KIAA0825: variants seen among roughly 807,000 people sequenced by gnomAD.
The protein encoded by KIAA0825 is uncharacterized protein KIAA0825.
Under a neutral mutation model 147.6 loss-of-function variants are expected in KIAA0825, and 119 were observed. That is an observed-to-expected ratio of 0.81 (90% CI 0.69 to 0.94). KIAA0825 has a LOEUF of 0.94. KIAA0825 is among the 40% of genes least tolerant of loss of function. The pLI, the probability that KIAA0825 is intolerant of heterozygous loss-of-function variation, is 0.00. For synonymous variants in KIAA0825, 470 were observed against 518.1 expected, an observed-to-expected ratio of 0.91 and a Z score of 1.26; for missense variants, 1,381 against 1,472.7, an observed-to-expected ratio of 0.94 and a Z score of 1.02.
chr5:94,396,275 T>C lies in KIAA0825; in HGVS notation c.3122A>G (p.Asp1041Gly). ...ACCCAATTTTTCTTTACTCCATCTG[T>C]CAAGAGAGGCACCTGTTAAAAGTTC... ...TVELLTGASLDRWSKEKLGLI... is the reference protein window; with the variant it reads ...TVELLTGASLGRWSKEKLGLI... The change falls in exon 17 of 21, where the codon GAC becomes GGC. Residue 1041 changes from aspartate (D) to glycine (G), a missense_variant. Physicochemically the swap from Asp to Gly is moderately conservative, Grantham distance 94. Transcript: ENST00000682413. The C allele has an allele frequency of 6.4e-7, 1 of 1,551,400 alleles. No individual in the cohort carries two copies. The highest frequency in any genetic ancestry group is 8.7e-7 in the Non-Finnish European group (1 of 1,146,866).
rs1315084017 is a variant in KIAA0825 at position 94,460,049 on chromosome 5, C to G, written c.2246+2338G>C. ...TGAATTGAAACTGAATTGCATTTAC[C>G]CAAAATTCTAGTAATTAATTTTTAA... is the stretch of plus-strand genomic sequence containing the variant. On this transcript the variant is annotated intron_variant, in intron 12 of 20. Transcript: ENST00000682413. Among the ~76,000 whole-genome samples the G allele has an allele frequency of 2.6e-5, 4 of 151,942 alleles. No individual in the cohort carries two copies. The East Asian group carries it at 7.7e-4, about 29-fold the overall frequency.
chr5:94,363,799 G>T (rs62364579), intron 20 of KIAA0825, among the ~76,000 whole-genome samples: 8,849 of 151,942 alleles, frequency 0.058, 400 homozygotes, highest in South Asian at 0.14. Context: ...GCCCAGGAAT[G>T]TGAGGCTGCA....
intron 12 of KIAA0825, among the ~76,000 whole-genome samples, chr5:94,460,630 A>G (rs894710659): frequency 6.6e-6 from 1 of 152,150 alleles, no homozygotes; most frequent in South Asian, 2.1e-4. Context: ...GAGATTCACA[A>G]TTTTTTTAAT....
In KIAA0825 at chr5:94,153,076, T is replaced by C. The variant is rs1766720338; in HGVS notation, c.*931A>G. On this transcript the variant is annotated 3_prime_UTR_variant, in exon 21 of 21. Coordinates refer to ENST00000682413, the MANE Select transcript of KIAA0825 (RefSeq NM_001145678.3). ...GGAGACTTCATATTATATCATAATATCTTCAATGTCTTTATAATCTAATAT... is the reference window on the plus strand; with the variant it reads ...GGAGACTTCATATTATATCATAATACCTTCAATGTCTTTATAATCTAATAT... The C allele has an allele frequency of 6.6e-6, 1 of 150,412 alleles. No homozygotes were observed. Among genetic ancestry groups the C allele is most frequent in the Non-Finnish European group, 1.5e-5 (1 of 67,724 alleles). 9.3% of individuals were successfully genotyped at this position (150,412 alleles called of 1,614,324 possible). A position where few individuals can be genotyped will look rare whatever the true frequency, so the allele number is the denominator to read the frequency against.
chr5:94,380,513 A>C (rs925873648), intron 20 of KIAA0825, among the ~76,000 whole-genome samples: 2 of 152,246 alleles, frequency 1.3e-5, no homozygotes, highest in African/African-American at 4.8e-5. Context: ...ATTCTTATTG[A>C]GTTTACATTC....
chr5:94,228,116 A>G (rs1774367784), intron 20 of KIAA0825, among the ~76,000 whole-genome samples: 1 of 152,190 alleles, frequency 6.6e-6, no homozygotes. Context: ...TGTAAATTCT[A>G]CTGGCTATTT....
chr5:94,250,154 C>A (rs2150119426), intron 20 of KIAA0825, among the ~76,000 whole-genome samples: 1 of 152,080 alleles, frequency 6.6e-6, no homozygotes, highest in Non-Finnish European at 1.5e-5. Context: ...AGAAATGGAA[C>A]CCTCATTCGG....
At chr5:94,582,667 C>G (rs181822463) in intron 1 of KIAA0825, 84 bp from the exon 2 acceptor site, 229 of 152,124 alleles carry the variant, frequency 1.5e-3, no homozygotes, top group African/African-American at 5.3e-3. Flanking sequence ...TTGCTAGTGA[C>G]AGTACTACCA....
intron 1 of KIAA0825, among the ~76,000 whole-genome samples, chr5:94,602,474 A>C (rs1786668371): frequency 6.6e-6 from 1 of 152,194 alleles, no homozygotes; most frequent in Non-Finnish European, 1.5e-5. Flanking sequence ...CTGTGTCCCC[A>C]TCCAAATCTC....
chr5:94,474,554 G>T (rs879360464), intron 7 of KIAA0825, among the ~76,000 whole-genome samples: 3 of 151,868 alleles, frequency 2.0e-5, no homozygotes, highest in Admixed American at 6.6e-5. Context: ...CTGAAATTAT[G>T]ATCATAAGCC....
intron 2 of KIAA0825, among the ~76,000 whole-genome samples, chr5:94,539,687 G>A (rs775870377): frequency 6.6e-6 from 1 of 152,156 alleles, no homozygotes; most frequent in Non-Finnish European, 1.5e-5. Context: ...GGGAGTCAGA[G>A]TCTCTCCTAA....
Position 94,281,373 on chromosome 5 carries a change from A to G in KIAA0825, c.3710+102995T>C, listed in dbSNP as rs532429966. Among the ~76,000 whole-genome samples the G allele has an allele frequency of 8.5e-5, 13 of 152,266 alleles. No homozygotes were observed. In the East Asian group the frequency reaches 2.3e-3, roughly 27 times the overall value. On this transcript the variant is annotated intron_variant, in intron 20 of 20. Coordinates refer to ENST00000682413, the MANE Select transcript of KIAA0825 (RefSeq NM_001145678.3). ...TAATTGTCTCCCCCTTTCAACTACA[A>G]GAATTCACAGCAGGGTTTTCCAAGT... is the stretch of plus-strand genomic sequence containing the variant.
intron 20 of KIAA0825, among the ~76,000 whole-genome samples, chr5:94,308,558 A>ATTAT (rs765298892): frequency 5.3e-5 from 8 of 151,856 alleles, no homozygotes; most frequent in East Asian, 1.9e-4. Flanking sequence ...GGGACTCTAT[A>ATTAT]AGATTTTCAA....
At chr5:94,615,301 T>A (rs1463649093) in intron 1 of KIAA0825, among the ~76,000 whole-genome samples, 1 of 152,104 alleles carries the variant, frequency 6.6e-6, no homozygotes, top group Non-Finnish European at 1.5e-5. Context: ...GATAATATAA[T>A]CCATCAAACT....
chr5:94,533,619 G>A (rs764711803), intron 3 of KIAA0825, among the ~76,000 whole-genome samples: 3 of 152,170 alleles, frequency 2.0e-5, no homozygotes, highest in Non-Finnish European at 4.4e-5. Flanking sequence ...CTGTACCTCA[G>A]TATCTTGTTA....
At chr5:94,544,865 T>C (rs984740069) in intron 2 of KIAA0825, among the ~76,000 whole-genome samples, 4 of 152,106 alleles carry the variant, frequency 2.6e-5, no homozygotes, top group African/African-American at 9.6e-5. Context: ...AACAACTAAG[T>C]ACACACAAAA....
intron 2 of KIAA0825, chr5:94,567,633 C>G (rs535687322): frequency 6.6e-6 from 1 of 152,374 alleles, no homozygotes; most frequent in Admixed American, 6.5e-5. Context: ...AACACAGCAG[C>G]CATCCCAGCA....
intron 2 of KIAA0825, among the ~76,000 whole-genome samples, chr5:94,558,061 T>A (rs1464615622): frequency 2.0e-5 from 3 of 152,148 alleles, no homozygotes; most frequent in Non-Finnish European, 2.9e-5. Flanking sequence ...GGGTTCCTAA[T>A]TGAGCTGAAC....
intron 15 of KIAA0825, among the ~76,000 whole-genome samples, chr5:94,405,030 C>T (rs1751869609): frequency 6.6e-6 from 1 of 152,106 alleles, no homozygotes; most frequent in African/African-American, 2.4e-5. Flanking sequence ...TTGAAAAGAA[C>T]TGTGACTCTA....
Sources: gnomAD v4.1 joint callset for allele counts (sites outside exome capture counted in the v4.1 genomes callset) on GRCh38, gnomAD v4.1.1 for gene constraint, MANE v1.5 for transcripts, NCBI Gene and HGNC (gene_info 2026-07-23, HGNC 2026-07-21) for gene names.